Variants in SUGCT observed in about 807,000 individuals in gnomAD.
SUGCT encodes the protein succinyl-CoA:glutarate-CoA transferase.
A neutral mutation model predicts 55.0 loss-of-function variants in SUGCT; 41 were observed. The observed-to-expected ratio is 0.74, with a 90% confidence interval of 0.58 to 0.97. The LOEUF (loss-of-function observed/expected upper bound fraction) is 0.97, where lower values mean the gene tolerates loss of function less well. Among genes scored for constraint, SUGCT ranks in the 50% least tolerant of loss-of-function variants. The pLI is 0.00. For missense variants in SUGCT, 568 were observed against 547.8 expected, an observed-to-expected ratio of 1.04 and a Z score of -0.37; for synonymous variants, 187 against 200.4, an observed-to-expected ratio of 0.93 and a Z score of 0.56.
intron 1 of SUGCT, among the ~76,000 whole-genome samples, chr7:40,154,900 A>G (rs1430931424): frequency 6.6e-6 from 1 of 152,248 alleles, no homozygotes; most frequent in Non-Finnish European, 1.5e-5. Flanking sequence ...TCAGATTAAT[A>G]TGCATCTGTT....
At position 40,487,368 on chromosome 7, in the gene SUGCT, A is replaced by G. The variant is rs538623059; in HGVS notation, c.987-8916A>G. Among the ~76,000 whole-genome samples, 170 of 149,960 alleles carry G rather than the reference A, an allele frequency of 1.1e-3. 1 individual carries two copies. Among genetic ancestry groups the G allele is most frequent in the Admixed American group, 2.7e-3 (41 of 14,984 alleles). On this transcript the variant is annotated intron_variant, in intron 11 of 13. Transcript: ENST00000335693. ...GAGATCCACCTGCCTCAGCCTCCCA[A>G]AGTGCTGGGATTACAGGCGTGAGCC...
intron 9 of SUGCT, among the ~76,000 whole-genome samples, chr7:40,363,853 A>T (rs1783778602): frequency 1.3e-5 from 2 of 152,164 alleles, no homozygotes; most frequent in Non-Finnish European, 2.9e-5. Context: ...GCTGAGTTCA[A>T]TTCCTGGGTA....
intron 12 of SUGCT, among the ~76,000 whole-genome samples, chr7:40,627,566 T>C (rs755967686): frequency 2.0e-5 from 3 of 152,324 alleles, no homozygotes; most frequent in South Asian, 2.1e-4. Flanking sequence ...ATCAGTCTGA[T>C]TGGTTGCAGA....
intron 13 of SUGCT, chr7:40,808,118 C>A (rs1405078884): frequency 2.0e-5 from 3 of 152,258 alleles, no homozygotes; most frequent in African/African-American, 7.2e-5. Context: ...AACTATCACA[C>A]ATGGCTACTC....
chr7:40,649,913 G>C (rs534578361), intron 12 of SUGCT, among the ~76,000 whole-genome samples: 3 of 152,242 alleles, frequency 2.0e-5, no homozygotes, highest in African/African-American at 7.2e-5. Flanking sequence ...AAAATGTAAT[G>C]ACTTAAAGCA....
chr7:40,373,914 C>T (rs1328874897), intron 9 of SUGCT, among the ~76,000 whole-genome samples: 1 of 152,074 alleles, frequency 6.6e-6, no homozygotes, highest in East Asian at 1.9e-4. Context: ...TATTAATTTT[C>T]TTTTGTCCCC....
chr7:40,844,253 G>A (rs186105756), intron 13 of SUGCT, among the ~76,000 whole-genome samples: 11 of 152,240 alleles, frequency 7.2e-5, no homozygotes, highest in African/African-American at 2.4e-4. Flanking sequence ...GCTCAGTGGA[G>A]GGTCAGGGTG....
At chr7:40,719,980 G>C (rs1397554798) in intron 12 of SUGCT, among the ~76,000 whole-genome samples, 2 of 152,090 alleles carry the variant, frequency 1.3e-5, no homozygotes, top group Non-Finnish European at 2.9e-5. Context: ...ATTTTTAGTA[G>C]AGATCATGTT....
the SUGCT span, among the ~76,000 whole-genome samples, chr7:40,911,516 C>T: frequency 2.0e-5 from 3 of 149,824 alleles, no homozygotes; most frequent in Admixed American, 6.7e-5. Flanking sequence ...TACAGTGAGC[C>T]GTGATTGCGC....
the SUGCT span, among the ~76,000 whole-genome samples, chr7:40,933,191 G>A: frequency 6.6e-6 from 1 of 152,064 alleles, no homozygotes; most frequent in African/African-American, 2.4e-5. Context: ...CTTCACTTAG[G>A]AAGCCTAGTT....
intron 12 of SUGCT, among the ~76,000 whole-genome samples, chr7:40,665,432 AAAATAAATAAATAAATAAATAAAT>A (rs59090658): frequency 7.1e-6 from 1 of 140,418 alleles, no homozygotes; most frequent in Non-Finnish European, 1.5e-5. Flanking sequence ...TCTATCTCAA[AAAATAAATAAATAAATAAATAAAT>A]AAATAAATAA....
At chr7:41,020,441 A>T in the SUGCT span, among the ~76,000 whole-genome samples, 1 of 152,262 alleles carries the variant, frequency 6.6e-6, no homozygotes, top group African/African-American at 2.4e-5. Context: ...GTTAATTTTG[A>T]AAAGTTTCAT....
chr7:40,936,874 G>A, the SUGCT span, among the ~76,000 whole-genome samples: 1 of 151,998 alleles, frequency 6.6e-6, no homozygotes, highest in Non-Finnish European at 1.5e-5. Context: ...GGTTAAGGAT[G>A]TGTTGCTTTA....
At chr7:40,400,156 T>G (rs1785984670) in intron 9 of SUGCT, among the ~76,000 whole-genome samples, 11 of 152,214 alleles carry the variant, frequency 7.2e-5, no homozygotes, top group Admixed American at 7.2e-4. Context: ...ATAAATTGGG[T>G]TGAATTTTGT....
chr7:40,190,912 C>A (rs966328267), intron 5 of SUGCT, among the ~76,000 whole-genome samples: 1 of 152,134 alleles, frequency 6.6e-6, no homozygotes, highest in Non-Finnish European at 1.5e-5. Flanking sequence ...ATTTTCCATC[C>A]ACGTTTGGTT....
intron 12 of SUGCT, among the ~76,000 whole-genome samples, chr7:40,720,141 G>T (rs1786250294): frequency 6.6e-6 from 1 of 152,140 alleles, no homozygotes; most frequent in African/African-American, 2.4e-5. Context: ...TCCCCCCACT[G>T]CCAGACCTTG....
chr7:40,359,287 C>G (rs1798035401), intron 9 of SUGCT, among the ~76,000 whole-genome samples: 1 of 152,180 alleles, frequency 6.6e-6, no homozygotes, highest in South Asian at 2.1e-4. Flanking sequence ...TCACTGCAAC[C>G]TCTGCCTCCT....
At chr7:40,675,322 G>A (rs184055158) in intron 12 of SUGCT, among the ~76,000 whole-genome samples, 1 of 152,212 alleles carries the variant, frequency 6.6e-6, no homozygotes, top group Non-Finnish European at 1.5e-5. Flanking sequence ...GCCTCCCGAA[G>A]TGCTGGGGTT....
At chr7:40,236,240 T>C (rs1789000766) in intron 6 of SUGCT, among the ~76,000 whole-genome samples, 1 of 151,876 alleles carries the variant, frequency 6.6e-6, no homozygotes, top group African/African-American at 2.4e-5. Context: ...GTGTTTTTAG[T>C]AGAGACGGGG....
Sources: allele counts gnomAD v4.1 joint callset (sites outside exome capture counted in the v4.1 genomes callset), GRCh38; gene constraint gnomAD v4.1.1; transcripts MANE v1.5; gene names NCBI Gene and HGNC (gene_info 2026-07-23, HGNC 2026-07-21).